The following NCOA2 variants were observed in gnomAD, a reference collection of about 807,000 sequenced individuals.
NCOA2 encodes class E basic helix-loop-helix protein 75.
A neutral mutation model predicts 145.1 loss-of-function variants in NCOA2; 21 were observed. The ratio of observed to expected loss-of-function variants is 0.14; its 90% CI spans 0.10 to 0.21. The LOEUF is 0.21. NCOA2 is among the 10% of genes least tolerant of loss of function. The pLI, the probability that NCOA2 is intolerant of heterozygous loss-of-function variation, is 1.00. For missense variants in NCOA2, 1,472 were observed against 1,837.6 expected, an observed-to-expected ratio of 0.80 and a Z score of 3.64; for synonymous variants, 619 against 637.5, an observed-to-expected ratio of 0.97 and a Z score of 0.44.
At chr8:70,298,926 T>C (rs1318395318) in intron 1 of NCOA2, among the ~76,000 whole-genome samples, 1 of 152,036 alleles carries the variant, frequency 6.6e-6, no homozygotes, top group Non-Finnish European at 1.5e-5. Flanking sequence ...CCGGCCGTGG[T>C]GGCAGGCGCC....
the NCOA2 span, among the ~76,000 whole-genome samples, chr8:70,446,929 T>G: frequency 2.6e-5 from 4 of 152,340 alleles, no homozygotes; most frequent in African/African-American, 9.6e-5. Flanking sequence ...AAGCTAAATC[T>G]GAGCCTGCTC....
At chr8:70,135,877 G>A (rs943708707) in intron 15 of NCOA2, among the ~76,000 whole-genome samples, 2 of 152,098 alleles carry the variant, frequency 1.3e-5, no homozygotes, top group Admixed American at 6.6e-5. Flanking sequence ...TGGACTAGTA[G>A]GTCATTAAGT....
Position 70,124,869 on chromosome 8 carries a change from A to C in NCOA2, c.3917-4T>G. 9.1e-7 allele frequency: 1 copy of C among 1,100,128 alleles called. No homozygotes were observed. Among genetic ancestry groups the C allele is most frequent in the Non-Finnish European group, 1.3e-6 (1 of 796,940 alleles). 68.1% of individuals were successfully genotyped at this position (1,100,128 alleles called of 1,614,324 possible). A position where few individuals can be genotyped will look rare whatever the true frequency, so the allele number is the denominator to read the frequency against. On this transcript the variant is annotated splice_polypyrimidine_tract_variant and splice_region_variant and intron_variant, in intron 19 of 22. Transcript: ENST00000452400. ...GGATCAGGTTGCTGACTTATTCCTT[A>C]AAAAAAAAAACAGAAACAGAAATCC...
At chr8:70,330,216 A>AATGATGATGATGATGATG (rs57235614) in intron 1 of NCOA2, among the ~76,000 whole-genome samples, 7 of 150,800 alleles carry the variant, frequency 4.6e-5, no homozygotes, top group African/African-American at 1.7e-4. Context: ...TGATGATGAT[A>AATGATGATGATGATGATG]ATGATGATGA....
chr8:70,373,422 G>A (rs1429145040), intron 1 of NCOA2, among the ~76,000 whole-genome samples: 5 of 152,130 alleles, frequency 3.3e-5, no homozygotes, highest in African/African-American at 1.2e-4. Context: ...GTTGATTTAA[G>A]TTATAAGAGT....
intron 6 of NCOA2, 111 bp downstream of exon 6, chr8:70,170,091 A>G (rs1466073383): frequency 2.7e-5 from 28 of 1,036,074 alleles, no homozygotes; most frequent in Non-Finnish European, 3.8e-5. Flanking sequence ...TCTCCTCCCC[A>G]TCTGATATAA....
chr8:70,166,504 G>C, intron 7 of NCOA2, 62 bp downstream of exon 7: 2 of 1,556,368 alleles, frequency 1.3e-6, no homozygotes, highest in Non-Finnish European at 1.8e-6. Context: ...ATTAAAGTGT[G>C]AAGGAAGTAG....
At chr8:70,324,032 T>C (rs934888694) in intron 1 of NCOA2, among the ~76,000 whole-genome samples, 21 of 152,322 alleles carry the variant, frequency 1.4e-4, no homozygotes, top group Admixed American at 3.9e-4. Context: ...CTACTAGTTT[T>C]TCTCTCCCTC....
intron 16 of NCOA2, 96 bp downstream of exon 16, chr8:70,131,741 C>T: frequency 7.6e-7 from 1 of 1,310,424 alleles, no homozygotes; most frequent in East Asian, 2.5e-5. Context: ...ACAATATATT[C>T]TAAAAAGCAG....
chr8:70,110,403 T>TG lies in NCOA2; in HGVS notation c.*3228_*3229insC, dbSNP rs1806438019. The TG allele has an allele frequency of 5.1e-6, 1 of 194,182 alleles. No homozygotes were observed. Among genetic ancestry groups the TG allele is most frequent in the Non-Finnish European group, 1.1e-5 (1 of 93,336 alleles). The allele number at this position is 194,182 out of a possible 1,614,324, so 12.0% of individuals were successfully genotyped here. A position where few individuals can be genotyped will look rare whatever the true frequency, so the allele number is the denominator to read the frequency against. The stretch of plus-strand genomic sequence containing the variant: ...ATAGCTTTTACCTGTAGTAAGAAAC[T>TG]TAAAAGATTTTGCTTTAGTCTATAA... On this transcript the variant is annotated 3_prime_UTR_variant, in exon 23 of 23. Transcript: ENST00000452400.
intron 7 of NCOA2, among the ~76,000 whole-genome samples, chr8:70,164,025 T>C (rs1227108993): frequency 6.6e-6 from 1 of 152,228 alleles, no homozygotes; most frequent in Non-Finnish European, 1.5e-5. Flanking sequence ...TCAGGAAAAC[T>C]AGGTACACCT....
rs768610319 is a variant in NCOA2, at chr8:70,121,312, T to A, written c.4373A>T (p.Asp1458Val). 1.2e-6 allele frequency: 2 copies of A among 1,612,634 alleles called. No homozygotes were observed. The highest frequency in any genetic ancestry group is 2.2e-5 in the South Asian group (2 of 90,656). The change falls in exon 22 of 23, where the codon GAC (aspartate) becomes GTC (valine). Residue 1458 changes from aspartate to valine, a missense_variant. By Grantham distance (152) the Asp-to-Val change is radical (BLOSUM62 -3). Transcript: ENST00000452400. ...ACTGTTCTTTCTTACCCGTGTTGTG[T>A]CTCCCTCCTGCTTAATCATATCCAT... ...PGMDMIKQEG[D>V]TTRKYC
intron 1 of NCOA2, among the ~76,000 whole-genome samples, chr8:70,386,518 A>T (rs906917257): frequency 6.6e-6 from 1 of 152,200 alleles, no homozygotes; most frequent in Admixed American, 6.5e-5. Context: ...TAAAATAAAC[A>T]GTCCAAAAAA....
chr8:70,257,343 G>C (rs1392664821), intron 2 of NCOA2, among the ~76,000 whole-genome samples: 2 of 152,176 alleles, frequency 1.3e-5, no homozygotes, highest in Non-Finnish European at 2.9e-5. Flanking sequence ...ATTTATTCAG[G>C]AACCATTCCT....
chr8:70,110,806 A>T lies in NCOA2; in HGVS notation c.*2826T>A. 4.4e-6 allele frequency: 1 copy of T among 225,088 alleles called. No individual in the cohort carries two copies. The highest frequency in any genetic ancestry group is 6.5e-5 in the East Asian group (1 of 15,440). 13.9% of individuals were successfully genotyped at this position (225,088 alleles called of 1,614,324 possible). Reference sequence around the variant, plus strand: ...TCATTGTAGTAAAACAGCTCACTTCACTTTTTAAACTTACCACATTACATG... The same window carrying T: ...TCATTGTAGTAAAACAGCTCACTTCTCTTTTTAAACTTACCACATTACATG... On this transcript the variant is annotated 3_prime_UTR_variant, in exon 23 of 23. Coordinates refer to ENST00000452400, the MANE Select transcript of NCOA2 (RefSeq NM_006540.4).
the NCOA2 span, among the ~76,000 whole-genome samples, chr8:70,447,939 C>A: frequency 9.9e-5 from 15 of 152,146 alleles, no homozygotes; most frequent in Non-Finnish European, 2.2e-4. Flanking sequence ...CCTGCTTTGG[C>A]CTCCCAAAGT....
At chr8:70,155,207 A>G (rs950270537) in intron 11 of NCOA2, among the ~76,000 whole-genome samples, 3 of 152,184 alleles carry the variant, frequency 2.0e-5, no homozygotes, top group Admixed American at 2.0e-4. Context: ...ATATCAGTTC[A>G]ATCTTTCTTT....
intron 1 of NCOA2, among the ~76,000 whole-genome samples, chr8:70,395,877 C>T (rs10957520): frequency 0.1 from 15,975 of 152,146 alleles, 1,284 homozygotes; most frequent in East Asian, 0.41. Context: ...TAGAAAATAC[C>T]GTGCATTATA....
At chr8:70,412,666 A>AC in the NCOA2 span, among the ~76,000 whole-genome samples, 1 of 149,572 alleles carries the variant, frequency 6.7e-6, no homozygotes, top group South Asian at 2.1e-4. Context: ...AAAAAAAAAA[A>AC]AAAAACTAGA....
Sources: allele counts gnomAD v4.1 joint callset (sites outside exome capture counted in the v4.1 genomes callset), GRCh38; gene constraint gnomAD v4.1.1; transcripts MANE v1.5; gene names NCBI Gene and HGNC (gene_info 2026-07-23, HGNC 2026-07-21).